Variants in RPS6KC1 observed in about 807,000 individuals in gnomAD.
RPS6KC1 encodes ribosomal protein S6 kinase C1, also known as inactive ribosomal protein S6 kinase delta-1.
A neutral mutation model predicts 103.8 loss-of-function variants in RPS6KC1; 54 were observed. The observed-to-expected ratio is 0.52, with a 90% CI of 0.42 to 0.65. The LOEUF is 0.65. RPS6KC1 is among the 30% of genes least tolerant of loss of function. RPS6KC1 has a pLI of 0.00. For synonymous variants in RPS6KC1, 439 were observed against 438.7 expected, an observed-to-expected ratio of 1.00 and a Z score of -0.01; for missense variants, 1,151 against 1,253.8, an observed-to-expected ratio of 0.92 and a Z score of 1.24.
chr1:213,410,241 G>A, the RPS6KC1 span, among the ~76,000 whole-genome samples: 3 of 152,180 alleles, frequency 2.0e-5, no homozygotes, highest in Admixed American at 6.5e-5. Flanking sequence ...AAAGAGACAG[G>A]AGAGGGGGAA....
At chr1:213,841,695 G>T in the RPS6KC1 span, among the ~76,000 whole-genome samples, 1 of 152,160 alleles carries the variant, frequency 6.6e-6, no homozygotes, top group Non-Finnish European at 1.5e-5. Context: ...AGGGGGAATT[G>T]TCCAATTTTT....
the RPS6KC1 span, among the ~76,000 whole-genome samples, chr1:213,328,504 C>CCATATATATA: frequency 3.7e-3 from 371 of 101,450 alleles, 3 homozygotes; most frequent in Non-Finnish European, 6.8e-3. Flanking sequence ...AGCCATTATA[C>CCATATATATA]TATATATATA....
At chr1:213,361,026 G>T in the RPS6KC1 span, among the ~76,000 whole-genome samples, 1 of 152,252 alleles carries the variant, frequency 6.6e-6, no homozygotes. Context: ...TGAGGAGGCA[G>T]TCTGTCCGTT....
chr1:213,178,656 A>G (rs1430797397), intron 8 of RPS6KC1, among the ~76,000 whole-genome samples: 2 of 152,140 alleles, frequency 1.3e-5, no homozygotes, highest in Non-Finnish European at 2.9e-5. Context: ...ATAATTTGGT[A>G]CTGTCTTTAC....
downstream of RPS6KC1, among the ~76,000 whole-genome samples, chr1:213,278,706 A>T (rs2095117205): frequency 6.6e-6 from 1 of 152,236 alleles, no homozygotes; most frequent in Admixed American, 6.5e-5. Flanking sequence ...CAAGGATCTT[A>T]TAAAACACAG....
intron 3 of RPS6KC1, among the ~76,000 whole-genome samples, chr1:213,094,573 T>G (rs1240002125): frequency 6.6e-6 from 1 of 152,262 alleles, no homozygotes. Context: ...GTTTGTTGTT[T>G]GTTTTCTTCT....
the RPS6KC1 span, among the ~76,000 whole-genome samples, chr1:213,491,266 G>A: frequency 7.2e-5 from 11 of 152,250 alleles, no homozygotes; most frequent in Non-Finnish European, 1.6e-4. Context: ...TTAATGGAGC[G>A]GCCAGGTGCA....
At chr1:213,056,854 G>A (rs1383899906) in intron 1 of RPS6KC1, among the ~76,000 whole-genome samples, 1 of 146,936 alleles carries the variant, frequency 6.8e-6, no homozygotes, top group African/African-American at 2.5e-5. Context: ...GTTCCGGGAA[G>A]CTTTTTTTTT....
the RPS6KC1 span, among the ~76,000 whole-genome samples, chr1:213,459,045 T>C: frequency 6.6e-6 from 1 of 152,182 alleles, no homozygotes; most frequent in East Asian, 1.9e-4. Context: ...ATGTTCATCA[T>C]GGATATTGGT....
At chr1:213,385,071 T>C in the RPS6KC1 span, among the ~76,000 whole-genome samples, 1 of 152,334 alleles carries the variant, frequency 6.6e-6, no homozygotes, top group South Asian at 2.1e-4. Context: ...GATGTTATAC[T>C]GCTCTGGAGT....
chr1:213,132,252 C>A (rs1172122844), intron 6 of RPS6KC1, among the ~76,000 whole-genome samples: 2 of 152,332 alleles, frequency 1.3e-5, no homozygotes, highest in Non-Finnish European at 2.9e-5. Flanking sequence ...AGCACAATAT[C>A]CATTCCTGCT....
the RPS6KC1 span, among the ~76,000 whole-genome samples, chr1:213,526,190 T>A: frequency 6.6e-6 from 1 of 152,148 alleles, no homozygotes; most frequent in African/African-American, 2.4e-5. Flanking sequence ...AAACGTGTGA[T>A]CGATTGAATG....
chr1:213,438,314 A>G, the RPS6KC1 span, among the ~76,000 whole-genome samples: 2 of 152,084 alleles, frequency 1.3e-5, no homozygotes, highest in Non-Finnish European at 2.9e-5. Context: ...ATTTGGTCTT[A>G]TCTCCTTGTA....
intron 6 of RPS6KC1, among the ~76,000 whole-genome samples, chr1:213,144,162 A>G (rs1188675565): frequency 6.6e-6 from 1 of 152,176 alleles, no homozygotes; most frequent in African/African-American, 2.4e-5. Flanking sequence ...GGCTTAGGGC[A>G]TGAACATCTT....
the RPS6KC1 span, among the ~76,000 whole-genome samples, chr1:213,499,350 C>T: frequency 6.6e-6 from 1 of 152,246 alleles, no homozygotes; most frequent in Admixed American, 6.5e-5. Flanking sequence ...CACCATGGAG[C>T]CCCGGCCCCC....
chr1:213,155,147 ACTTTCCTCTC>A (rs1246785211), intron 6 of RPS6KC1, among the ~76,000 whole-genome samples: 2 of 151,846 alleles, frequency 1.3e-5, no homozygotes, highest in Non-Finnish European at 2.9e-5. Flanking sequence ...AGTCCTCCCC[ACTTTCCTCTC>A]CTTTCCTCAA....
intron 6 of RPS6KC1, among the ~76,000 whole-genome samples, chr1:213,152,484 G>C (rs1231302726): frequency 2.0e-5 from 3 of 151,690 alleles, no homozygotes; most frequent in Admixed American, 6.5e-5. Flanking sequence ...CTTCCCAGAC[G>C]GGGTGGCTGC....
At chr1:213,487,510 G>A in the RPS6KC1 span, among the ~76,000 whole-genome samples, 2 of 150,682 alleles carry the variant, frequency 1.3e-5, no homozygotes, top group African/African-American at 4.9e-5. Flanking sequence ...TTTTTTTAAG[G>A]CCCAAGAATG....
the RPS6KC1 span, among the ~76,000 whole-genome samples, chr1:213,539,168 A>G: frequency 6.6e-6 from 1 of 152,220 alleles, no homozygotes; most frequent in Admixed American, 6.5e-5. Context: ...TCAGCTCTAG[A>G]ACTCTCATCT....
Sources: allele counts gnomAD v4.1 joint callset (sites outside exome capture counted in the v4.1 genomes callset), GRCh38; gene constraint gnomAD v4.1.1; transcripts MANE v1.5; gene names NCBI Gene and HGNC (gene_info 2026-07-23, HGNC 2026-07-21).